The following DCDC2B variants were observed in gnomAD, a reference collection of about 807,000 sequenced individuals.
DCDC2B encodes the protein doublecortin domain-containing protein 2B.
DCDC2B carries 41 observed loss-of-function variants against 38.9 expected under a neutral mutation model. The observed-to-expected ratio is 1.05, with a 90% CI of 0.82 to 1.37. The LOEUF is 1.37. Ranked by LOEUF, DCDC2B falls within the 40% of genes most tolerant of loss-of-function variation. DCDC2B has a pLI of 0.00. For synonymous variants in DCDC2B, 181 were observed against 171.9 expected (o/e 1.05, Z -0.41); for missense variants, 453 against 427.2 (o/e 1.06, Z -0.53).
At position 32,216,163 on chromosome 1, in the gene DCDC2B, G is replaced by T. The variant is rs1186014506; in HGVS notation, c.*266G>T. On this transcript the variant is annotated 3_prime_UTR_variant, in exon 9 of 9. Coordinates refer to ENST00000409358, the MANE Select transcript of DCDC2B (RefSeq NM_001099434.2). ...GAGTAGCTGACTAAGCCTGGGAGAG[G>T]GTTTGTCACAATAAAAGAATACTTA... 2.7e-6 allele frequency: 2 copies of T among 746,358 alleles called. No individual in the cohort carries two copies. Among genetic ancestry groups the T allele is most frequent in the Non-Finnish European group, 4.2e-6 (2 of 471,528 alleles). 46.2% of individuals were successfully genotyped at this position (746,358 alleles called of 1,614,324 possible).
Position 32,215,053 on chromosome 1 carries a change from G to GAAA in DCDC2B, c.850+133_850+135dup, listed in dbSNP as rs75232351. 1,041 of 1,052,076 alleles carry GAAA rather than the reference G, an allele frequency of 9.9e-4. 2 individuals carry two copies. In the African/African-American group the frequency reaches 0.016, roughly 16 times the overall value. 65.2% of individuals were successfully genotyped at this position (1,052,076 alleles called of 1,614,324 possible). ...ATGCTCAGACACAAAGCCGGCACTG[G>GAAA]AAAAAAAAAAAAAAGATAAAGGAGT... On this transcript the variant is annotated intron_variant, in intron 7 of 8. Transcript: ENST00000409358.
chr1:32,211,211 C>T, intron 1 of DCDC2B, 61 bp from the exon 2 acceptor site: 1 of 1,501,774 alleles, frequency 6.7e-7, no homozygotes, highest in Non-Finnish European at 9.3e-7. Context: ...ACACTGACAT[C>T]TGCCAGGCTA....
intron 4 of DCDC2B, 36 bp from the exon 5 acceptor site, chr1:32,212,454 C>A: frequency 1.2e-6 from 2 of 1,609,538 alleles, no homozygotes; most frequent in Non-Finnish European, 1.7e-6. Flanking sequence ...AGCATCGAGT[C>A]TACCAGCCCT....
chr1:32,209,632 T>C (rs573637830), intron 1 of DCDC2B, among the ~76,000 whole-genome samples: 16 of 152,158 alleles, frequency 1.1e-4, no homozygotes, highest in Non-Finnish European at 2.4e-4. Flanking sequence ...AAGACCACTC[T>C]CCCACAGGGT....
Position 32,215,982 on chromosome 1 carries a change from C to A in DCDC2B, c.*85C>A, listed in dbSNP as rs953753175. The stretch of plus-strand genomic sequence containing the variant: ...CCTCCAGCAGCTTGTTCCTCAGGAG[C>A]CAGCACCTCCGCTGGGCTCACAGGG... On this transcript the variant is annotated 3_prime_UTR_variant, in exon 9 of 9. Transcript: ENST00000409358. 2 of 1,155,554 alleles carry A rather than the reference C, an allele frequency of 1.7e-6. No individual in the cohort carries two copies. The highest frequency in any genetic ancestry group is 2.5e-6 in the Non-Finnish European group (2 of 793,692). 71.6% of individuals were successfully genotyped at this position (1,155,554 alleles called of 1,614,324 possible).
intron 1 of DCDC2B, among the ~76,000 whole-genome samples, chr1:32,210,788 C>G (rs990178622): frequency 1.3e-5 from 2 of 152,010 alleles, no homozygotes; most frequent in Non-Finnish European, 2.9e-5. Context: ...GATCATGGCT[C>G]ACTGCAGCCT....
intron 6 of DCDC2B, among the ~76,000 whole-genome samples, chr1:32,214,312 C>CAA (rs58837364): frequency 4.2e-3 from 215 of 50,980 alleles, no homozygotes; most frequent in Non-Finnish European, 6.5e-3. Context: ...ACTCAAGTCT[C>CAA]AAAAAAAAAA....
In DCDC2B at chr1:32,216,007, G is replaced by T; in HGVS notation, c.*110G>T. 1 of 935,478 alleles carries T rather than the reference G, an allele frequency of 1.1e-6. No homozygotes were observed. The highest frequency in any genetic ancestry group is 1.7e-6 in the Non-Finnish European group (1 of 603,896). 57.9% of individuals were successfully genotyped at this position (935,478 alleles called of 1,614,324 possible). On this transcript the variant is annotated 3_prime_UTR_variant, in exon 9 of 9. Coordinates refer to ENST00000409358, the MANE Select transcript of DCDC2B (RefSeq NM_001099434.2). ...CCAGCACCTCCGCTGGGCTCACAGG[G>T]TACACTGCGGCCTCCTCAGCCCTCC...
In DCDC2B at chr1:32,210,815, C is replaced by T. The variant is rs151015340; in HGVS notation, c.267-457C>T. Among the ~76,000 whole-genome samples, 851 of 152,086 alleles carry T rather than the reference C, an allele frequency of 5.6e-3. 6 individuals carry two copies. Among genetic ancestry groups the T allele is most frequent in the African/African-American group, 0.02 (811 of 41,512 alleles). On this transcript the variant is annotated intron_variant, in intron 1 of 8. Transcript: ENST00000409358. ...CTGCAGCCTCGAACTCCTGAGCTCA[C>T]GCAATCCTCCTGCCTCAGCCTCCCA...
intron 7 of DCDC2B, chr1:32,215,212 AG>A: frequency 1.7e-6 from 1 of 584,272 alleles, no homozygotes; most frequent in Non-Finnish European, 2.9e-6. Context: ...CATGAAAAGA[AG>A]CACCTGGAAA....
At chr1:32,214,449 G>C (rs576892000) in intron 6 of DCDC2B, 1 of 234,514 alleles carries the variant, frequency 4.3e-6, no homozygotes, top group South Asian at 8.4e-5. Context: ...CGCTGGGAGA[G>C]AGAATTGGTA....
rs1423046085 is a variant in DCDC2B at position 32,212,142 on chromosome 1, G to A, written c.468G>A (p.Trp156Ter). The A allele has an allele frequency of 6.2e-7, 1 of 1,613,872 alleles. No individual in the cohort carries two copies. Among genetic ancestry groups the A allele is most frequent in the Admixed American group, 1.7e-5 (1 of 60,020 alleles). Residue 156 changes from tryptophan (W) to a stop codon, truncating the protein, a stop_gained, in exon 4 of 9, where the codon TGG becomes TGA. Transcript: ENST00000409358. LOFTEE classifies it high-confidence loss of function. Reference protein sequence around the residue: ...LKLSQAASQDWETVLKLLTEK... With the variant: ...LKLSQAASQD ...TGTCCCAGGCTGCCAGCCAGGACTG[G>A]GAAACTGTGTTGAAGCTCCTGACTG...
At position 32,209,362 on chromosome 1, in the gene DCDC2B, G is replaced by A. The variant is rs376580354; in HGVS notation, c.266+3G>A. 1.6e-5 allele frequency: 26 copies of A among 1,613,652 alleles called. No homozygotes were observed. Among genetic ancestry groups the A allele is most frequent in the Non-Finnish European group, 2.2e-5 (26 of 1,179,672 alleles). ...TTTGAACGATTCCACAAGCTCCAGT[G>A]AGTGGGCTGGGGCTGGTCAAACAGC... On this transcript the variant is annotated splice_donor_region_variant and intron_variant, in intron 1 of 8. Transcript: ENST00000409358.
Position 32,216,034 on chromosome 1 carries a change from C to T in DCDC2B, c.*137C>T, listed in dbSNP as rs1386365217. The T allele has an allele frequency of 1.0e-5, 8 of 789,898 alleles. No homozygotes were observed. The highest frequency in any genetic ancestry group is 3.5e-5 in the African/African-American group (2 of 56,980). The allele number at this position is 789,898 out of a possible 1,614,324, so 48.9% of individuals were successfully genotyped here. On this transcript the variant is annotated 3_prime_UTR_variant, in exon 9 of 9. Coordinates refer to ENST00000409358, the MANE Select transcript of DCDC2B (RefSeq NM_001099434.2). ...ACACTGCGGCCTCCTCAGCCCTCCC[C>T]GTTCTCCTGCTCCTAAACCCACAGC...
chr1:32,215,353 G>C (rs1228056283), intron 7 of DCDC2B, 87 bp from the exon 8 acceptor site: 1 of 1,145,736 alleles, frequency 8.7e-7, no homozygotes, highest in Non-Finnish European at 1.2e-6. Flanking sequence ...GTTCAGGGGA[G>C]GGAAAGGGGC....
Position 32,215,887 on chromosome 1 carries a change from T to G in DCDC2B, c.1040T>G (p.Leu347Arg). 6.4e-7 allele frequency: 1 copy of G among 1,551,214 alleles called. No homozygotes were observed. The highest frequency in any genetic ancestry group is 1.2e-5 in the South Asian group (1 of 84,030). The part of the protein sequence containing the change: ...GAAISASAPA[L>R]PS ...GCTATCTCAGCCTCAGCCCCAGCTC[T>G]GCCATCTTGAGAGCCAGCAGCTCCA... Residue 347 changes from leucine (L) to arginine (R), a missense_variant, in exon 9 of 9, where the codon CTG (leucine) becomes CGG (arginine). Transcript: ENST00000409358.
chr1:32,215,135 C>A, intron 7 of DCDC2B: 1 of 719,858 alleles, frequency 1.4e-6, no homozygotes, highest in Non-Finnish European at 2.2e-6. Context: ...CTGGTACTGA[C>A]CTCATCATAA....
chr1:32,211,841 A>G lies in DCDC2B; in HGVS notation c.395+4A>G. On this transcript the variant is annotated splice_donor_region_variant and intron_variant, in intron 3 of 8. Transcript: ENST00000409358. Reference sequence around the variant, plus strand: ...CAGGTGCTCCCAGCTATATCCAGTGAGTGCCAGTGTGAGGGAGCAGGGGTG... The same window carrying G: ...CAGGTGCTCCCAGCTATATCCAGTGGGTGCCAGTGTGAGGGAGCAGGGGTG... The G allele has an allele frequency of 6.2e-7, 1 of 1,606,858 alleles. No homozygotes were observed.
chr1:32,215,879 C>T lies in DCDC2B; in HGVS notation c.1032C>T (p.Ala344=). The change falls in exon 9 of 9, where the codon GCC becomes GCT. Residue 344 remains alanine (A), a synonymous_variant. Coordinates refer to ENST00000409358, the MANE Select transcript of DCDC2B (RefSeq NM_001099434.2). ...CTGGGGCTGCTATCTCAGCCTCAGC[C>T]CCAGCTCTGCCATCTTGAGAGCCAG... ...PGAGAAISAS[A]PALPS 1.3e-6 allele frequency: 2 copies of T among 1,551,170 alleles called. No individual in the cohort carries two copies. Among genetic ancestry groups the T allele is most frequent in the African/African-American group, 2.7e-5 (2 of 72,984 alleles).
Sources: allele counts gnomAD v4.1 joint callset (sites outside exome capture counted in the v4.1 genomes callset), GRCh38; gene constraint gnomAD v4.1.1; transcripts MANE v1.5; gene names NCBI Gene and HGNC (gene_info 2026-07-23, HGNC 2026-07-21).